Variants in EYS observed in about 807,000 individuals in gnomAD.
EYS encodes EGF-like photoreceptor maintenance factor.
In EYS, 250 loss-of-function variants were observed where a neutral mutation model predicts 282.1. That is an observed-to-expected ratio of 0.89 (90% confidence interval 0.80 to 0.98). EYS has a LOEUF of 0.98. Ranked by LOEUF, EYS falls within the 50% of genes least tolerant of loss-of-function variation. The pLI, the probability that EYS is intolerant of heterozygous loss-of-function variation, is 0.00. For synonymous variants in EYS, 1,355 were observed against 1,282.9 expected (o/e 1.06, Z -1.20); for missense variants, 4,016 against 3,709.0 (o/e 1.08, Z -2.15).
At chr6:64,793,988 C>T (rs1774269840) in intron 22 of EYS, among the ~76,000 whole-genome samples, 1 of 152,138 alleles carries the variant, frequency 6.6e-6, no homozygotes, top group African/African-American at 2.4e-5. Flanking sequence ...TGAACAGCAG[C>T]TCCCCATTTT....
chr6:65,579,644 G>T (rs1037633746), intron 2 of EYS, among the ~76,000 whole-genome samples: 1 of 152,064 alleles, frequency 6.6e-6, no homozygotes, highest in Admixed American at 6.6e-5. Flanking sequence ...GTGCTATGGA[G>T]GCAGAGACAC....
intron 22 of EYS, among the ~76,000 whole-genome samples, chr6:64,659,050 G>T (rs1768883541): frequency 6.6e-6 from 1 of 151,990 alleles, no homozygotes; most frequent in Non-Finnish European, 1.5e-5. Flanking sequence ...AGACCAGAGT[G>T]CAACCAAACT....
intron 15 of EYS, 35 bp from the exon 16 acceptor site, chr6:64,912,778 ACT>A (rs1768042781): frequency 7.8e-7 from 1 of 1,286,824 alleles, no homozygotes; most frequent in East Asian, 2.8e-5. Flanking sequence ...AGAAGTGTGA[ACT>A]CTTTTTCAAG....
At chr6:65,204,993 A>T (rs1765996795) in intron 12 of EYS, among the ~76,000 whole-genome samples, 1 of 111,894 alleles carries the variant, frequency 8.9e-6, no homozygotes, top group African/African-American at 3.8e-5. Flanking sequence ...ATATATTTAT[A>T]TATTCTAGAA....
At chr6:65,312,384 T>C (rs1769183302) in intron 11 of EYS, among the ~76,000 whole-genome samples, 1 of 152,058 alleles carries the variant, frequency 6.6e-6, no homozygotes, top group South Asian at 2.1e-4. Flanking sequence ...AGAGGTGGAT[T>C]TTCTGTGAAG....
chr6:64,475,508 G>A lies in EYS; in HGVS notation c.5645-36156C>T, dbSNP rs571755932. Among the ~76,000 whole-genome samples the A allele has an allele frequency of 1.5e-4, 18 of 117,092 alleles. 4 individuals carry two copies. Among genetic ancestry groups the A allele is most frequent in the South Asian group, 5.8e-4 (2 of 3,448 alleles). The allele number at this position is 117,092 out of a possible 152,430, so 76.8% of individuals were successfully genotyped here. On this transcript the variant is annotated intron_variant, in intron 26 of 42. Coordinates refer to ENST00000503581, the MANE Select transcript of EYS (RefSeq NM_001142800.2). ...GGAGCTTGCAGTGAGCCGAGATCCC[G>A]CCACTGCACTCCAGCCTGGGCGACA...
chr6:64,706,543 A>G (rs1771024107), intron 22 of EYS, among the ~76,000 whole-genome samples: 1 of 152,174 alleles, frequency 6.6e-6, no homozygotes, highest in African/African-American at 2.4e-5. Context: ...AATGGGAGAA[A>G]ATCTTCACAA....
At chr6:63,770,258 C>T (rs1031221269) in intron 40 of EYS, among the ~76,000 whole-genome samples, 1 of 152,030 alleles carries the variant, frequency 6.6e-6, no homozygotes, top group African/African-American at 2.4e-5. Flanking sequence ...AATATAATCT[C>T]TGCTTAGCCT....
chr6:65,500,552 A>G (rs932529317), intron 2 of EYS, among the ~76,000 whole-genome samples: 7 of 151,898 alleles, frequency 4.6e-5, no homozygotes, highest in Non-Finnish European at 1.0e-4. Context: ...CTTTGAAAAA[A>G]TTGTCTATGG....
chr6:64,039,637 A>T (rs551568146), intron 33 of EYS, among the ~76,000 whole-genome samples: 341 of 152,276 alleles, frequency 2.2e-3, no homozygotes, highest in African/African-American at 7.7e-3. Context: ...ATTTATTTAA[A>T]TGGGAATATA....
chr6:63,991,170 G>A (rs1371552448), intron 34 of EYS, among the ~76,000 whole-genome samples: 2 of 151,668 alleles, frequency 1.3e-5, no homozygotes, highest in Non-Finnish European at 3.0e-5. Flanking sequence ...GGAGTCTGCA[G>A]GCACAAGTTC....
chr6:64,288,925 C>T (rs1474783100), intron 30 of EYS, among the ~76,000 whole-genome samples: 1 of 152,062 alleles, frequency 6.6e-6, no homozygotes, highest in Non-Finnish European at 1.5e-5. Context: ...CACTGACTTG[C>T]TTCAGGCACT....
intron 12 of EYS, among the ~76,000 whole-genome samples, chr6:65,246,164 CTA>C (rs1767174971): frequency 6.6e-6 from 1 of 152,046 alleles, no homozygotes; most frequent in Admixed American, 6.6e-5. Flanking sequence ...GGTGTGTTTA[CTA>C]TGTGTCAGTG....
chr6:64,680,729 T>G (rs546746919), intron 22 of EYS, among the ~76,000 whole-genome samples: 36 of 152,260 alleles, frequency 2.4e-4, no homozygotes, highest in African/African-American at 8.7e-4. Context: ...ACCGATTACC[T>G]TAGCCCTAGT....
chr6:63,851,259 A>G (rs1772242703), intron 36 of EYS, among the ~76,000 whole-genome samples: 1 of 152,216 alleles, frequency 6.6e-6, no homozygotes, highest in African/African-American at 2.4e-5. Flanking sequence ...ATATTGGACA[A>G]GTCAATAGAG....
At chr6:64,497,438 C>A (rs552773101) in intron 26 of EYS, among the ~76,000 whole-genome samples, 1 of 152,116 alleles carries the variant, frequency 6.6e-6, no homozygotes, top group African/African-American at 2.4e-5. Flanking sequence ...GCATTCCAGG[C>A]AAGTAAATGA....
At chr6:65,357,900 TTAAG>T (rs2150331169) in intron 8 of EYS, among the ~76,000 whole-genome samples, 1 of 152,062 alleles carries the variant, frequency 6.6e-6, no homozygotes, top group Admixed American at 6.6e-5. Flanking sequence ...AAAAAGACAA[TTAAG>T]TGAGTCAAAC....
intron 18 of EYS, among the ~76,000 whole-genome samples, chr6:64,893,620 G>A (rs1767359806): frequency 6.6e-6 from 1 of 151,918 alleles, no homozygotes; most frequent in Non-Finnish European, 1.5e-5. Context: ...TTTAATCTGT[G>A]AAAGATTTTA....
At chr6:64,263,775 G>T (rs1215223217) in intron 30 of EYS, among the ~76,000 whole-genome samples, 1 of 152,048 alleles carries the variant, frequency 6.6e-6, no homozygotes, top group East Asian at 1.9e-4. Context: ...AGATCCAGAA[G>T]GTAGTGTGAT....
Sources: allele counts gnomAD v4.1 joint callset (sites outside exome capture counted in the v4.1 genomes callset), GRCh38; gene constraint gnomAD v4.1.1; transcripts MANE v1.5; gene names NCBI Gene and HGNC (gene_info 2026-07-23, HGNC 2026-07-21).